The following SYT14 variants were observed in gnomAD, a reference collection of about 807,000 sequenced individuals.
SYT14 encodes synaptotagmin 14, also known as synaptotagmin-14.
In SYT14, 32 loss-of-function variants were observed where a neutral mutation model predicts 74.2. The ratio of observed to expected loss-of-function variants is 0.43; its 90% CI spans 0.33 to 0.58. The LOEUF is 0.58. Ranked by LOEUF, SYT14 falls within the 20% of genes least tolerant of loss-of-function variation. SYT14 has a pLI of 0.05. For synonymous variants in SYT14, 298 were observed against 337.7 expected (o/e 0.88, Z 1.29); for missense variants, 791 against 981.8 (o/e 0.81, Z 2.60).
chr1:210,154,862 A>T (rs1006969657), intron 7 of SYT14, among the ~76,000 whole-genome samples: 2 of 152,192 alleles, frequency 1.3e-5, no homozygotes, highest in African/African-American at 2.4e-5. Context: ...TTTTGTAGTT[A>T]TTAGGTATAA....
At chr1:209,984,368 A>G (rs186172225) in intron 2 of SYT14, among the ~76,000 whole-genome samples, 5 of 152,320 alleles carry the variant, frequency 3.3e-5, no homozygotes, top group East Asian at 1.9e-4. Context: ...TAATTGTCCA[A>G]CAAGGTTCCA....
At chr1:210,016,938 C>T (rs749375668) in exon 4 of SYT14, 142 of 1,231,550 alleles carry the variant, frequency 1.2e-4, no homozygotes, top group Non-Finnish European at 1.4e-4. Context: ...TCAACTAATT[C>T]TAAAGATAAG....
At chr1:210,049,432 CTT>C (rs948416246) in intron 5 of SYT14, among the ~76,000 whole-genome samples, 1 of 133,198 alleles carries the variant, frequency 7.5e-6, no homozygotes, top group Non-Finnish European at 1.6e-5. Context: ...GATTTTTTTT[CTT>C]TTTTTTTTTA....
intron 5 of SYT14, among the ~76,000 whole-genome samples, chr1:210,057,282 A>G (rs2081117312): frequency 6.6e-6 from 1 of 152,144 alleles, no homozygotes; most frequent in African/African-American, 2.4e-5. Flanking sequence ...TGCAGAGGTA[A>G]TTTGGTCATC....
At chr1:209,971,358 A>G (rs368045032) in intron 2 of SYT14, among the ~76,000 whole-genome samples, 3 of 151,864 alleles carry the variant, frequency 2.0e-5, no homozygotes, top group Non-Finnish European at 2.9e-5. Flanking sequence ...CTTTTGTCCT[A>G]TAGGGATACC....
At chr1:210,055,040 C>G (rs2081070374) in intron 5 of SYT14, among the ~76,000 whole-genome samples, 1 of 152,148 alleles carries the variant, frequency 6.6e-6, no homozygotes, top group Admixed American at 6.5e-5. Context: ...TTACCCACTA[C>G]CTTCTAAGGT....
chr1:210,161,602 G>A (rs777323791), exon 10 of SYT14: 37 of 453,842 alleles, frequency 8.2e-5, no homozygotes, highest in South Asian at 5.7e-4. Flanking sequence ...TAGGTTCATT[G>A]TGCCTCAGTT....
intron 5 of SYT14, among the ~76,000 whole-genome samples, chr1:210,061,831 T>A (rs577973014): frequency 1.3e-5 from 2 of 152,054 alleles, no homozygotes; most frequent in East Asian, 1.9e-4. Flanking sequence ...TTGGCTAAAC[T>A]TCATATAATC....
intron 4 of SYT14, among the ~76,000 whole-genome samples, chr1:210,018,591 T>C (rs1012030578): frequency 3.9e-5 from 6 of 152,204 alleles, no homozygotes; most frequent in Non-Finnish European, 8.8e-5. Flanking sequence ...ATACTAGTAA[T>C]AAGTACATTA....
At chr1:210,151,239 T>C (rs1412554966) in intron 7 of SYT14, among the ~76,000 whole-genome samples, 2 of 152,198 alleles carry the variant, frequency 1.3e-5, no homozygotes, top group African/African-American at 4.8e-5. Flanking sequence ...CAGCTACTGC[T>C]ACCTAGGCAA....
intron 7 of SYT14, among the ~76,000 whole-genome samples, chr1:210,150,888 C>T (rs1207279877): frequency 1.3e-5 from 2 of 152,046 alleles, no homozygotes; most frequent in Non-Finnish European, 2.9e-5. Context: ...TATTTTTAAT[C>T]ATATTGTTTT....
intron 5 of SYT14, among the ~76,000 whole-genome samples, chr1:210,029,247 T>C (rs1400283436): frequency 6.6e-6 from 1 of 150,580 alleles, no homozygotes; most frequent in Non-Finnish European, 1.5e-5. Context: ...TGATAGTATC[T>C]TTTGATAGAC....
In SYT14 at chr1:209,996,093, C is replaced by A. The variant is rs74351294; in HGVS notation, c.-485-17540C>A. On this transcript the variant is annotated intron_variant, in intron 2 of 9. Coordinates refer to ENST00000637265, the Ensembl canonical transcript of SYT14. ...ACTAGAAAAGAAGAAAAAATACCAACCCAAAGCTAGCCGAAGAAAAGAAAG... is the reference window on the plus strand; with the variant it reads ...ACTAGAAAAGAAGAAAAAATACCAAACCAAAGCTAGCCGAAGAAAAGAAAG... Among the ~76,000 whole-genome samples the A allele has an allele frequency of 2.1e-3, 319 of 152,098 alleles. 1 individual carries two copies. The highest frequency in any genetic ancestry group is 3.2e-3 in the Non-Finnish European group (217 of 67,952).
intron 5 of SYT14, among the ~76,000 whole-genome samples, chr1:210,025,787 G>C (rs1229580937): frequency 2.0e-5 from 3 of 152,132 alleles, no homozygotes; most frequent in Non-Finnish European, 1.5e-5. Flanking sequence ...ATTGTGGTAG[G>C]TAAGATTCTA....
At chr1:210,153,887 C>T (rs2083217462) in intron 7 of SYT14, among the ~76,000 whole-genome samples, 1 of 152,086 alleles carries the variant, frequency 6.6e-6, no homozygotes, top group Non-Finnish European at 1.5e-5. Context: ...ATTTGGTTTG[C>T]TGATGTATAT....
At chr1:209,947,023 T>G (rs2078833820) in intron 1 of SYT14, among the ~76,000 whole-genome samples, 1 of 152,214 alleles carries the variant, frequency 6.6e-6, no homozygotes, top group Non-Finnish European at 1.5e-5. Flanking sequence ...AACATCTGTT[T>G]ACAGCATGGT....
intron 5 of SYT14, among the ~76,000 whole-genome samples, chr1:210,049,228 T>C (rs1260030729): frequency 6.6e-6 from 1 of 152,168 alleles, no homozygotes; most frequent in Non-Finnish European, 1.5e-5. Flanking sequence ...AGTGCCCCAG[T>C]AGGGACTCTG....
At chr1:210,087,917 A>G (rs557454185) in intron 5 of SYT14, among the ~76,000 whole-genome samples, 194 of 152,302 alleles carry the variant, frequency 1.3e-3, no homozygotes, top group Non-Finnish European at 2.4e-3. Context: ...AATTTTCAGA[A>G]AGAGAAGAAC....
intron 5 of SYT14, among the ~76,000 whole-genome samples, chr1:210,066,665 T>G (rs2081301886): frequency 6.6e-6 from 1 of 152,010 alleles, no homozygotes. Context: ...TGTTCTCCCA[T>G]TCTGTAGGTT....
Sources: allele counts gnomAD v4.1 joint callset (sites outside exome capture counted in the v4.1 genomes callset), GRCh38; gene constraint gnomAD v4.1.1; transcripts MANE v1.5; gene names NCBI Gene and HGNC (gene_info 2026-07-23, HGNC 2026-07-21).